KCMF1: variants seen among roughly 807,000 people sequenced by gnomAD.
The protein encoded by KCMF1 is potassium channel modulatory factor 1, also known as E3 ubiquitin-protein ligase KCMF1.
Under a neutral mutation model 41.1 loss-of-function variants are expected in KCMF1, and 3 were observed. The observed-to-expected ratio is 0.07, with a 90% CI of 0.03 to 0.19. The LOEUF (loss-of-function observed/expected upper bound fraction) is 0.19, where lower values mean the gene tolerates loss of function less well. Ranked by LOEUF, KCMF1 falls within the 10% of genes least tolerant of loss-of-function variation. KCMF1 has a pLI of 1.00. For synonymous variants in KCMF1, 142 were observed against 164.5 expected (o/e 0.86, Z 1.04); for missense variants, 286 against 488.9 (o/e 0.58, Z 3.91).
intron 1 of KCMF1, among the ~76,000 whole-genome samples, chr2:84,989,267 G>A (rs1317154188): frequency 1.3e-5 from 2 of 152,242 alleles, no homozygotes; most frequent in African/African-American, 2.4e-5. Context: ...CAGATATAGT[G>A]GAAAAAACAG....
Position 85,043,503 on chromosome 2 carries a change from G to A in KCMF1, c.325-61G>A, listed in dbSNP as rs559595207. 757 of 933,982 alleles carry A rather than the reference G, an allele frequency of 8.1e-4. 3 individuals are homozygous for A. In the African/African-American group the frequency reaches 9.5e-3, roughly 12 times the overall value. 57.9% of individuals were successfully genotyped at this position (933,982 alleles called of 1,614,324 possible). A position where few individuals can be genotyped will look rare whatever the true frequency, so the allele number is the denominator to read the frequency against. ...TAGTAAAACTTACAGCAGAATACTC[G>A]TCCAGAAAGATGTCTTATTGACGTT... On this transcript the variant is annotated intron_variant, in intron 3 of 6. Coordinates refer to ENST00000409785, the MANE Select transcript of KCMF1 (RefSeq NM_020122.5).
At chr2:85,037,367 G>T (rs1316631782) in intron 3 of KCMF1, among the ~76,000 whole-genome samples, 2 of 152,162 alleles carry the variant, frequency 1.3e-5, no homozygotes, top group Non-Finnish European at 2.9e-5. Context: ...GGTCATGTGG[G>T]TCAAGTCCTA....
intron 1 of KCMF1, among the ~76,000 whole-genome samples, chr2:84,981,253 A>G (rs537692904): frequency 2.4e-3 from 356 of 150,908 alleles, no homozygotes; most frequent in Non-Finnish European, 4.0e-3. Context: ...GCAGTGGTGC[A>G]ATCTCGGCTC....
chr2:84,993,408 G>A (rs990210262), intron 1 of KCMF1, among the ~76,000 whole-genome samples: 3 of 151,990 alleles, frequency 2.0e-5, no homozygotes, highest in Non-Finnish European at 2.9e-5. Flanking sequence ...GAAGATCACC[G>A]AGGTGATAAT....
intron 1 of KCMF1, among the ~76,000 whole-genome samples, chr2:85,007,463 T>C (rs980961753): frequency 3.9e-5 from 6 of 152,214 alleles, no homozygotes; most frequent in African/African-American, 1.4e-4. Flanking sequence ...GGTTATTGTA[T>C]GGACCAGCTT....
intron 1 of KCMF1, among the ~76,000 whole-genome samples, chr2:85,004,521 T>A (rs535570899): frequency 9.5e-4 from 144 of 150,926 alleles, no homozygotes; most frequent in African/African-American, 2.9e-3. Context: ...CAAAAAAAAA[T>A]AATAATAAAA....
chr2:85,008,137 A>G (rs1254664672), intron 1 of KCMF1, among the ~76,000 whole-genome samples: 1 of 150,480 alleles, frequency 6.6e-6, no homozygotes, highest in African/African-American at 2.5e-5. Flanking sequence ...GAGGAATCTC[A>G]GGGTGAGGTT....
chr2:84,981,481 G>A (rs1461303879), intron 1 of KCMF1, among the ~76,000 whole-genome samples: 2 of 152,034 alleles, frequency 1.3e-5, no homozygotes, highest in Admixed American at 6.6e-5. Context: ...GAGCCACCGC[G>A]CCTGGCCTTT....
chr2:85,028,811 T>A (rs540057388), intron 2 of KCMF1, among the ~76,000 whole-genome samples: 6 of 152,154 alleles, frequency 3.9e-5, no homozygotes, highest in Non-Finnish European at 1.5e-5. Context: ...ACTAAGTAAT[T>A]CTGTCTGTTC....
At chr2:84,973,620 G>A (rs1220661508) in intron 1 of KCMF1, among the ~76,000 whole-genome samples, 2 of 152,088 alleles carry the variant, frequency 1.3e-5, no homozygotes, top group African/African-American at 2.4e-5. Flanking sequence ...GCAGTCTCAC[G>A]AATCACATTT....
chr2:85,027,818 A>G, intron 1 of KCMF1, 71 bp from the exon 2 acceptor site: 1 of 933,740 alleles, frequency 1.1e-6, no homozygotes, highest in Non-Finnish European at 1.6e-6. Context: ...TGAGCACCTG[A>G]AACATTCATA....
rs1236875123 is a variant in KCMF1, at chr2:85,058,566, A to T, written c.*5157A>T. On this transcript the variant is annotated 3_prime_UTR_variant, in exon 7 of 7. Coordinates refer to ENST00000409785, the MANE Select transcript of KCMF1 (RefSeq NM_020122.5). ...CTGTAGAATGTTGGCTCCTCTGTCTATAGAAACCATCAGTTCGCTGCTCTC... is the reference window on the plus strand; with the variant it reads ...CTGTAGAATGTTGGCTCCTCTGTCTTTAGAAACCATCAGTTCGCTGCTCTC... 6.6e-6 allele frequency: 1 copy of T among 152,158 alleles called. No homozygotes were observed. The highest frequency in any genetic ancestry group is 1.5e-5 in the Non-Finnish European group (1 of 68,034). The allele number at this position is 152,158 out of a possible 1,614,324, so 9.4% of individuals were successfully genotyped here.
chr2:85,044,138 A>G (rs1009554800), intron 4 of KCMF1, among the ~76,000 whole-genome samples: 1 of 152,172 alleles, frequency 6.6e-6, no homozygotes, highest in Admixed American at 6.5e-5. Flanking sequence ...GTTAATCCAA[A>G]TTAAAATTTA....
At chr2:84,979,856 A>C (rs1306924370) in intron 1 of KCMF1, among the ~76,000 whole-genome samples, 2 of 151,206 alleles carry the variant, frequency 1.3e-5, no homozygotes, top group African/African-American at 4.9e-5. Flanking sequence ...GAGTTTCACT[A>C]TTGTTGCCCA....
chr2:84,992,781 C>G (rs978577175), intron 1 of KCMF1, among the ~76,000 whole-genome samples: 1 of 152,128 alleles, frequency 6.6e-6, no homozygotes, highest in Non-Finnish European at 1.5e-5. Context: ...AGGCGCCCAC[C>G]ACCATGCCTG....
intron 1 of KCMF1, among the ~76,000 whole-genome samples, chr2:84,991,734 A>T (rs1245912727): frequency 1.3e-5 from 2 of 152,220 alleles, no homozygotes; most frequent in South Asian, 4.1e-4. Flanking sequence ...CTTTTGGTCC[A>T]GAAGGAAATC....
At chr2:85,023,852 T>C (rs2104022222) in intron 1 of KCMF1, among the ~76,000 whole-genome samples, 3 of 152,324 alleles carry the variant, frequency 2.0e-5, no homozygotes, top group Middle Eastern at 6.8e-3. Context: ...CTGCTGCCCT[T>C]TATCTTCACT....
chr2:85,035,178 G>C (rs780831894), intron 3 of KCMF1, 23 bp downstream of exon 3: 166 of 1,597,874 alleles, frequency 1.0e-4, no homozygotes, highest in Non-Finnish European at 1.4e-4. Flanking sequence ...GCAACCTTAT[G>C]ACTAAAATGA....
chr2:84,975,808 C>T (rs1673530841), intron 1 of KCMF1, among the ~76,000 whole-genome samples: 1 of 151,910 alleles, frequency 6.6e-6, no homozygotes, highest in South Asian at 2.1e-4. Flanking sequence ...TAAAGCTTTC[C>T]AAATAAAAAA....
Sources: gnomAD v4.1 joint callset for allele counts (sites outside exome capture counted in the v4.1 genomes callset) on GRCh38, gnomAD v4.1.1 for gene constraint, MANE v1.5 for transcripts, NCBI Gene and HGNC (gene_info 2026-07-23, HGNC 2026-07-21) for gene names.